Variants in WASL observed in about 807,000 individuals in gnomAD.
WASL encodes the protein actin nucleation-promoting factor WASL.
Under a neutral mutation model 55.5 loss-of-function variants are expected in WASL, and 20 were observed. The ratio of observed to expected loss-of-function variants is 0.36; its 90% CI spans 0.25 to 0.52. The LOEUF (loss-of-function observed/expected upper bound fraction) is 0.52, where lower values mean the gene tolerates loss of function less well. WASL is among the 20% of genes least tolerant of loss of function. The pLI, the probability that WASL is intolerant of heterozygous loss-of-function variation, is 0.92. For missense variants in WASL, 504 were observed against 622.5 expected (o/e 0.81, Z 2.03); for synonymous variants, 249 against 217.6 (o/e 1.14, Z -1.27).
intron 7 of WASL, 36 bp from the exon 8 acceptor site, chr7:123,694,904 A>T: frequency 6.4e-7 from 1 of 1,569,082 alleles, no homozygotes; most frequent in Non-Finnish European, 8.6e-7. Context: ...ATAAAAATAT[A>T]TCCCAATTTA....
intron 1 of WASL, among the ~76,000 whole-genome samples, chr7:123,738,715 T>C (rs1804280022): frequency 6.6e-6 from 1 of 152,152 alleles, no homozygotes; most frequent in South Asian, 2.1e-4. Flanking sequence ...AATGCTGTGA[T>C]TGTTGGTGTC....
At chr7:123,748,480 G>T (rs1317634303) in intron 1 of WASL, 138 bp downstream of exon 1, 3 of 756,868 alleles carry the variant, frequency 4.0e-6, no homozygotes, top group African/African-American at 4.1e-5. Flanking sequence ...GCCGACGAGG[G>T]GCCGGGGCCG....
intron 2 of WASL, among the ~76,000 whole-genome samples, chr7:123,707,857 A>G (rs966271020): frequency 6.6e-6 from 1 of 152,162 alleles, no homozygotes; most frequent in Non-Finnish European, 1.5e-5. Context: ...GAAGCATGTC[A>G]TATCTCTCAG....
chr7:123,730,215 C>G (rs191065920), intron 1 of WASL, among the ~76,000 whole-genome samples: 3 of 152,154 alleles, frequency 2.0e-5, no homozygotes, highest in Admixed American at 2.0e-4. Context: ...GTTTAAAGTT[C>G]TTTAGAGAAA....
At chr7:123,697,963 GACA>G (rs903875035) in intron 5 of WASL, among the ~76,000 whole-genome samples, 2 of 152,056 alleles carry the variant, frequency 1.3e-5, no homozygotes, top group African/African-American at 4.8e-5. Flanking sequence ...TTTTCCTTTA[GACA>G]ACATTTCACA....
At chr7:123,734,591 T>TAAAAAAAAAAAA (rs71161498) in intron 1 of WASL, among the ~76,000 whole-genome samples, 3 of 92,350 alleles carry the variant, frequency 3.2e-5, no homozygotes, top group Non-Finnish European at 6.2e-5. Context: ...ATAGAAAATG[T>TAAAAAAAAAAAA]AAAAAAAAAA....
At chr7:123,727,164 A>T (rs1350522258) in intron 1 of WASL, among the ~76,000 whole-genome samples, 1 of 152,172 alleles carries the variant, frequency 6.6e-6, no homozygotes, top group Non-Finnish European at 1.5e-5. Context: ...GACCAAAAAC[A>T]AAAGGACTGA....
At chr7:123,740,576 C>A (rs908325659) in intron 1 of WASL, among the ~76,000 whole-genome samples, 8 of 151,992 alleles carry the variant, frequency 5.3e-5, no homozygotes, top group African/African-American at 1.9e-4. Flanking sequence ...TCATTTTGTT[C>A]AATGTCCTTT....
chr7:123,696,885 T>G, intron 5 of WASL, 138 bp from the exon 6 acceptor site: 1 of 663,002 alleles, frequency 1.5e-6, no homozygotes, highest in Non-Finnish European at 2.1e-6. Context: ...TTCTACATTT[T>G]TTTCATAAAG....
chr7:123,735,526 A>T (rs1300477733), intron 1 of WASL, among the ~76,000 whole-genome samples: 1 of 152,108 alleles, frequency 6.6e-6, no homozygotes, highest in Non-Finnish European at 1.5e-5. Context: ...AGGACATTAG[A>T]ACAATTGTTA....
intron 5 of WASL, among the ~76,000 whole-genome samples, chr7:123,698,621 TATGG>T (rs1803527886): frequency 6.6e-6 from 1 of 152,252 alleles, no homozygotes; most frequent in East Asian, 1.9e-4. Context: ...AAGTTGTTGA[TATGG>T]ATAAGAAATA....
chr7:123,736,776 G>A (rs1279595283), intron 1 of WASL, among the ~76,000 whole-genome samples: 2 of 152,048 alleles, frequency 1.3e-5, no homozygotes, highest in Admixed American at 6.5e-5. Flanking sequence ...CTTTCCAATG[G>A]GAAGCCTCAA....
chr7:123,694,877 G>T lies in WASL; in HGVS notation c.673-9C>A. ...GGATCCAAATTATTCAGCTACAAAAGAAAGTAACTGCTAACTATAAAAATA... is the reference window on the plus strand; with the variant it reads ...GGATCCAAATTATTCAGCTACAAAATAAAGTAACTGCTAACTATAAAAATA... On this transcript the variant is annotated splice_polypyrimidine_tract_variant and intron_variant, in intron 7 of 10. Transcript: ENST00000223023. 1 of 1,596,318 alleles carries T rather than the reference G, an allele frequency of 6.3e-7. No homozygotes were observed. Among genetic ancestry groups the T allele is most frequent in the Non-Finnish European group, 8.5e-7 (1 of 1,174,810 alleles).
At chr7:123,744,759 A>G (rs1315156049) in intron 1 of WASL, among the ~76,000 whole-genome samples, 2 of 152,174 alleles carry the variant, frequency 1.3e-5, no homozygotes, top group Non-Finnish European at 2.9e-5. Context: ...GCAAAACTGC[A>G]CATACTCTTT....
chr7:123,739,880 G>T (rs1415827262), intron 1 of WASL, among the ~76,000 whole-genome samples: 1 of 64,390 alleles, frequency 1.6e-5, no homozygotes, highest in African/African-American at 5.4e-5. Flanking sequence ...TTATATATGT[G>T]TGTGTGTGTG....
chr7:123,699,737 T>C (rs1803547929), intron 5 of WASL, among the ~76,000 whole-genome samples: 1 of 152,318 alleles, frequency 6.6e-6, no homozygotes, highest in South Asian at 2.1e-4. Flanking sequence ...GTAAGTGATA[T>C]GTGAAATGAG....
At chr7:123,731,904 A>AG (rs1491397137) in intron 1 of WASL, among the ~76,000 whole-genome samples, 2 of 152,322 alleles carry the variant, frequency 1.3e-5, no homozygotes, top group East Asian at 3.8e-4. Flanking sequence ...AAAGAAAAAA[A>AG]GAATTATAGC....
chr7:123,700,205 A>AAAC (rs1343398535), intron 5 of WASL, among the ~76,000 whole-genome samples: 48 of 66,112 alleles, frequency 7.3e-4, no homozygotes, highest in African/African-American at 2.5e-3. Flanking sequence ...AAAAAAAAAA[A>AAAC]AACAACATTA....
intron 1 of WASL, among the ~76,000 whole-genome samples, chr7:123,719,872 A>G (rs1376933891): frequency 2.0e-5 from 3 of 152,176 alleles, no homozygotes; most frequent in African/African-American, 7.2e-5. Context: ...GTCACTGCTC[A>G]CCTGTGACAG....
Sources: gnomAD v4.1 joint callset for allele counts (sites outside exome capture counted in the v4.1 genomes callset) on GRCh38, gnomAD v4.1.1 for gene constraint, MANE v1.5 for transcripts, NCBI Gene and HGNC (gene_info 2026-07-23, HGNC 2026-07-21) for gene names.